Variants in RYR3 observed in about 807,000 individuals in gnomAD.
The protein encoded by RYR3 is ryanodine receptor 3, also known as brain ryanodine receptor-calcium release channel.
A neutral mutation model predicts 584.3 loss-of-function variants in RYR3; 207 were observed. That is an observed-to-expected ratio of 0.35 (90% confidence interval 0.32 to 0.40). RYR3 has a LOEUF of 0.40. Among genes scored for constraint, RYR3 ranks in the 10% least tolerant of loss-of-function variants. The pLI, the probability that RYR3 is intolerant of heterozygous loss-of-function variation, is 1.00. For missense variants in RYR3, 5,616 were observed against 6,089.2 expected, an observed-to-expected ratio of 0.92 and a Z score of 2.59; for synonymous variants, 2,416 against 2,248.5, an observed-to-expected ratio of 1.07 and a Z score of -2.11.
chr15:33,520,049 A>G (rs1273138523), intron 3 of RYR3, among the ~76,000 whole-genome samples: 1 of 152,204 alleles, frequency 6.6e-6, no homozygotes, highest in Admixed American at 6.5e-5. Context: ...GTTGGTTGTT[A>G]CAGGACATCC....
intron 19 of RYR3, among the ~76,000 whole-genome samples, chr15:33,614,860 C>A (rs1299344957): frequency 6.6e-6 from 1 of 152,038 alleles, no homozygotes; most frequent in Non-Finnish European, 1.5e-5. Context: ...AGGAGGAACT[C>A]ATAATAGTAC....
At chr15:33,548,741 G>A (rs978338) in intron 9 of RYR3, among the ~76,000 whole-genome samples, 12,802 of 152,266 alleles carry the variant, frequency 0.084, 652 homozygotes, top group Middle Eastern at 0.11. Context: ...CCAGCCACAA[G>A]CTTTGAATAA....
At chr15:33,475,362 A>T (rs558767015) in intron 2 of RYR3, among the ~76,000 whole-genome samples, 3 of 152,172 alleles carry the variant, frequency 2.0e-5, no homozygotes, top group East Asian at 3.9e-4. Flanking sequence ...TATGGAAGAG[A>T]GTTTTTCCAC....
rs75865090 is a variant in RYR3 at position 33,546,379 on chromosome 15, G to A, written c.741-1751G>A. The stretch of plus-strand genomic sequence containing the variant: ...AGCAGGTTGGTGCAGTATCATTTCC[G>A]TTCTAGGCCTGGTACAGAGACACCT... On this transcript the variant is annotated intron_variant, in intron 8 of 103. Coordinates refer to ENST00000634891, the MANE Select transcript of RYR3 (RefSeq NM_001036.6). Among the ~76,000 whole-genome samples, 1,249 of 152,224 alleles carry A rather than the reference G, an allele frequency of 8.2e-3. 10 individuals are homozygous for A. Among genetic ancestry groups the A allele is most frequent in the Admixed American group, 0.024 (370 of 15,286 alleles).
intron 43 of RYR3, among the ~76,000 whole-genome samples, chr15:33,710,432 C>T (rs1209393076): frequency 1.3e-5 from 2 of 151,366 alleles, no homozygotes; most frequent in African/African-American, 4.9e-5. Flanking sequence ...CACCCTCGAC[C>T]TCCCAGCCTC....
intron 51 of RYR3, among the ~76,000 whole-genome samples, chr15:33,741,905 C>G (rs1030999212): frequency 2.3e-4 from 35 of 152,152 alleles, no homozygotes; most frequent in African/African-American, 8.2e-4. Context: ...TGAGCCACAG[C>G]GCCCGGCCCC....
intron 69 of RYR3, 31 bp downstream of exon 69, chr15:33,801,992 C>A (rs1392218614): frequency 3.8e-6 from 5 of 1,311,068 alleles, no homozygotes; most frequent in African/African-American, 1.5e-5. Flanking sequence ...TCCAAAAACT[C>A]TTCAACCCTA....
chr15:33,615,647 AC>A (rs1409893678), intron 19 of RYR3, among the ~76,000 whole-genome samples: 2 of 152,204 alleles, frequency 1.3e-5, no homozygotes, highest in African/African-American at 4.8e-5. Context: ...AGGGAATCTT[AC>A]GCTATCTGCA....
intron 1 of RYR3, among the ~76,000 whole-genome samples, chr15:33,434,645 C>T (rs1436458795): frequency 6.6e-6 from 1 of 152,098 alleles, no homozygotes; most frequent in South Asian, 2.1e-4. Context: ...CGCATACTTG[C>T]TATTCAGCTA....
intron 100 of RYR3, among the ~76,000 whole-genome samples, chr15:33,859,961 C>T (rs148868751): frequency 2.6e-4 from 39 of 152,278 alleles, no homozygotes; most frequent in African/African-American, 8.7e-4. Flanking sequence ...GAACCCCTTC[C>T]TTCTGTTCCT....
chr15:33,773,385 T>C (rs2073755835), intron 63 of RYR3, 149 bp from the exon 64 acceptor site: 1 of 632,808 alleles, frequency 1.6e-6, no homozygotes, highest in Non-Finnish European at 2.8e-6. Context: ...CAAACTGGCA[T>C]CTGGGTAGAA....
rs368003809 is a variant in RYR3 at position 33,603,507 on chromosome 15, T to C, written c.2164+143T>C. On this transcript the variant is annotated intron_variant, in intron 18 of 103. Transcript: ENST00000634891. The stretch of plus-strand genomic sequence containing the variant: ...AATTAAACGGTTAGGTGGAAAAGAG[T>C]ATCAGATTAAAATAAGACTCATTTA... The C allele has an allele frequency of 1.2e-5, 11 of 924,528 alleles. No individual in the cohort carries two copies. The East Asian group carries it at 1.2e-4, about 10-fold the overall frequency. The allele number at this position is 924,528 out of a possible 1,614,324, so 57.3% of individuals were successfully genotyped here.
At chr15:33,715,957 T>C (rs1228513823) in intron 43 of RYR3, among the ~76,000 whole-genome samples, 1 of 152,200 alleles carries the variant, frequency 6.6e-6, no homozygotes, top group Non-Finnish European at 1.5e-5. Context: ...TCCCGAATGT[T>C]GGAGGTGGAG....
rs1424489147 is a variant in RYR3 at position 33,840,919 on chromosome 15, A to G, written c.13037+36A>G. On this transcript the variant is annotated intron_variant, in intron 90 of 103. Coordinates refer to ENST00000634891, the MANE Select transcript of RYR3 (RefSeq NM_001036.6). Reference sequence around the variant, plus strand: ...GGTAGCATCAACTACTCTCATTGCTATGGTAGATAATTCTTAGGCCAGGCA... The same window carrying G: ...GGTAGCATCAACTACTCTCATTGCTGTGGTAGATAATTCTTAGGCCAGGCA... The G allele has an allele frequency of 7.5e-6, 12 of 1,597,860 alleles. No individual in the cohort carries two copies. In the African/African-American group the frequency reaches 1.5e-4, roughly 20 times the overall value.
intron 1 of RYR3, among the ~76,000 whole-genome samples, chr15:33,362,074 A>G (rs946235940): frequency 3.9e-5 from 6 of 152,188 alleles, no homozygotes; most frequent in Admixed American, 3.9e-4. Context: ...TCTTCATGGA[A>G]TCCCACAAGA....
At chr15:33,763,916 A>AAAAAAAAC (rs2072753302) in intron 60 of RYR3, among the ~76,000 whole-genome samples, 1 of 124,312 alleles carries the variant, frequency 8.0e-6, no homozygotes, top group African/African-American at 3.3e-5. Context: ...AAAAAAAAAA[A>AAAAAAAAC]TCAGGAAACA....
At chr15:33,739,788 G>A (rs1471919739) in intron 50 of RYR3, 44 bp from the exon 51 acceptor site, 16 of 1,556,180 alleles carry the variant, frequency 1.0e-5, no homozygotes, top group African/African-American at 2.7e-5. Flanking sequence ...CTAAAGGCAT[G>A]GTTCTGCTTT....
chr15:33,734,136 C>T (rs369121394), intron 48 of RYR3, among the ~76,000 whole-genome samples: 1 of 152,068 alleles, frequency 6.6e-6, no homozygotes, highest in East Asian at 1.9e-4. Context: ...GGAAGGAGGC[C>T]TCGACCCAGG....
intron 36 of RYR3, among the ~76,000 whole-genome samples, chr15:33,665,149 C>G (rs1351441969): frequency 1.3e-5 from 2 of 152,140 alleles, no homozygotes; most frequent in Non-Finnish European, 2.9e-5. Context: ...CGTATTCTGG[C>G]TCTTTCATAT....
Sources: gnomAD v4.1 joint callset for allele counts (sites outside exome capture counted in the v4.1 genomes callset) on GRCh38, gnomAD v4.1.1 for gene constraint, MANE v1.5 for transcripts, NCBI Gene and HGNC (gene_info 2026-07-23, HGNC 2026-07-21) for gene names.